The following VPS13D variants were observed in gnomAD, a reference collection of about 807,000 sequenced individuals.
VPS13D encodes intermembrane lipid transfer protein VPS13D.
VPS13D carries 187 observed loss-of-function variants against 461.9 expected under a neutral mutation model. The observed-to-expected ratio is 0.40, with a 90% CI of 0.36 to 0.46. The LOEUF is 0.46. Ranked by LOEUF, VPS13D falls within the 20% of genes least tolerant of loss-of-function variation. The pLI is 0.60. For missense variants in VPS13D, 4,711 were observed against 5,364.9 expected, an observed-to-expected ratio of 0.88 and a Z score of 3.81; for synonymous variants, 1,951 against 1,986.3, an observed-to-expected ratio of 0.98 and a Z score of 0.47.
intron 67 of VPS13D, among the ~76,000 whole-genome samples, chr1:12,483,473 CT>C (rs1234089222): frequency 1.3e-5 from 2 of 151,414 alleles, no homozygotes; most frequent in African/African-American, 4.9e-5. Flanking sequence ...CAGAATTTGT[CT>C]TTTTAGTGTG....
At chr1:12,402,073 C>A (rs75257462) in intron 62 of VPS13D, among the ~76,000 whole-genome samples, 9,015 of 152,236 alleles carry the variant, frequency 0.059, 394 homozygotes, top group Admixed American at 0.12. Context: ...ACCTTTGTTT[C>A]TTAAACAGAC....
intron 65 of VPS13D, among the ~76,000 whole-genome samples, chr1:12,446,588 A>C (rs1223596166): frequency 6.6e-6 from 1 of 151,896 alleles, no homozygotes; most frequent in African/African-American, 2.4e-5. Flanking sequence ...ATATCCCCCT[A>C]TATTTGTATC....
At chr1:12,452,746 C>A (rs1427337548) in intron 65 of VPS13D, among the ~76,000 whole-genome samples, 1 of 152,182 alleles carries the variant, frequency 6.6e-6, no homozygotes, top group African/African-American at 2.4e-5. Context: ...AACGTCTTTC[C>A]CAGTAAAATC....
At chr1:12,372,095 C>G (rs543655930) in intron 54 of VPS13D, among the ~76,000 whole-genome samples, 1 of 152,098 alleles carries the variant, frequency 6.6e-6, no homozygotes, top group South Asian at 2.1e-4. Flanking sequence ...TCTCTGTCAC[C>G]CAGGCTGGAG....
intron 36 of VPS13D, among the ~76,000 whole-genome samples, chr1:12,328,572 C>G (rs529142471): frequency 3.9e-5 from 6 of 152,114 alleles, no homozygotes; most frequent in African/African-American, 1.4e-4. Context: ...CGGAGTTTCG[C>G]TCTTGTTGCC....
rs554284481 is a variant in VPS13D at position 12,321,294 on chromosome 1, A to G, written c.7549-515A>G. On this transcript the variant is annotated intron_variant, in intron 32 of 69. Coordinates refer to ENST00000620676, the MANE Select transcript of VPS13D (RefSeq NM_015378.4). ...TATTGTGAGGAGGGAAAATAATCATATATGATTTCTGATAGGTTATTTTGG... is the reference window on the plus strand; with the variant it reads ...TATTGTGAGGAGGGAAAATAATCATGTATGATTTCTGATAGGTTATTTTGG... 1.6e-4 allele frequency among the ~76,000 whole-genome samples: 25 copies of G among 152,318 alleles called. No individual in the cohort carries two copies. The East Asian group carries it at 4.6e-3, about 28-fold the overall frequency.
intron 29 of VPS13D, 124 bp downstream of exon 29, chr1:12,312,049 G>T: frequency 4.1e-6 from 3 of 723,726 alleles, no homozygotes; most frequent in Non-Finnish European, 6.6e-6. Context: ...TCTGCAGAGT[G>T]TCTTTTGGTT....
intron 57 of VPS13D, among the ~76,000 whole-genome samples, chr1:12,380,890 T>G (rs976031906): frequency 4.6e-5 from 7 of 152,192 alleles, no homozygotes; most frequent in Non-Finnish European, 1.5e-5. Flanking sequence ...CTGGAATGGA[T>G]TTGTGATTTT....
At chr1:12,309,049 G>A (rs1642654842) in intron 27 of VPS13D, among the ~76,000 whole-genome samples, 2 of 152,048 alleles carry the variant, frequency 1.3e-5, no homozygotes, top group East Asian at 1.9e-4. Context: ...TTATTTCTTC[G>A]TCTATTTAAC....
At chr1:12,245,055 A>G (rs866528747) in intron 5 of VPS13D, among the ~76,000 whole-genome samples, 3 of 152,336 alleles carry the variant, frequency 2.0e-5, no homozygotes, top group African/African-American at 7.2e-5. Flanking sequence ...AGTTGGTTAC[A>G]TAGTGAGTTG....
intron 60 of VPS13D, among the ~76,000 whole-genome samples, chr1:12,390,098 C>T (rs1233276430): frequency 2.0e-5 from 3 of 152,154 alleles, no homozygotes; most frequent in Non-Finnish European, 4.4e-5. Flanking sequence ...TGGCAGTGTT[C>T]CTCCCTCTGG....
At chr1:12,306,203 C>T (rs919111032) in intron 26 of VPS13D, among the ~76,000 whole-genome samples, 1 of 152,108 alleles carries the variant, frequency 6.6e-6, no homozygotes, top group African/African-American at 2.4e-5. Context: ...CCAGGATGGT[C>T]TCGATCTCCT....
chr1:12,448,045 G>T (rs1386694625), intron 65 of VPS13D, among the ~76,000 whole-genome samples: 1 of 152,140 alleles, frequency 6.6e-6, no homozygotes, highest in Non-Finnish European at 1.5e-5. Context: ...CCTTTGATTT[G>T]TGTTTTTTTC....
chr1:12,408,967 T>G (rs1209916524), intron 63 of VPS13D, among the ~76,000 whole-genome samples: 1 of 152,224 alleles, frequency 6.6e-6, no homozygotes, highest in Non-Finnish European at 1.5e-5. Context: ...ACTTGTCTAT[T>G]TTTCTGTCAG....
At position 12,319,545 on chromosome 1, in the gene VPS13D, C is replaced by A; in HGVS notation, c.7463C>A (p.Ala2488Asp). The change falls in exon 32 of 70, where the codon GCC becomes GAC. Residue 2488 changes from alanine (A) to aspartate (D), a missense_variant. Transcript: ENST00000620676. ...GATGTGTCCTGCTTCGACACCAATG[C>A]CATTATTCTGAAAGGCACCACAGTG... ...IEDVSCFDTN[A>D]IILKGTTVLT... 6.2e-7 allele frequency: 1 copy of A among 1,614,196 alleles called. No homozygotes were observed. Among genetic ancestry groups the A allele is most frequent in the South Asian group, 1.1e-5 (1 of 91,082 alleles).
At chr1:12,342,432 TC>T (rs1421466573) in intron 41 of VPS13D, among the ~76,000 whole-genome samples, 2 of 152,210 alleles carry the variant, frequency 1.3e-5, no homozygotes, top group Non-Finnish European at 2.9e-5. Context: ...GGCTCAGCCT[TC>T]CAAGTACATG....
intron 35 of VPS13D, among the ~76,000 whole-genome samples, chr1:12,324,453 A>G (rs1031751870): frequency 2.6e-5 from 4 of 152,162 alleles, no homozygotes; most frequent in African/African-American, 2.4e-5. Flanking sequence ...GCAGTGAGCC[A>G]AGATCATGCC....
Position 12,357,877 on chromosome 1 carries a change from G to A in VPS13D, c.9999-582G>A, listed in dbSNP as rs189323379. Among the ~76,000 whole-genome samples the A allele has an allele frequency of 1.9e-3, 287 of 152,054 alleles. 1 individual carries two copies. The highest frequency in any genetic ancestry group is 6.4e-3 in the African/African-American group (267 of 41,460). The stretch of plus-strand genomic sequence containing the variant: ...AAATTAGCCGGGTGTGGTGGCGCTC[G>A]CCTGTAGTCCCAGCTACTTGGGAGG... On this transcript the variant is annotated intron_variant, in intron 49 of 69. Transcript: ENST00000620676.
At chr1:12,366,136 T>C (rs1644031398) in intron 52 of VPS13D, among the ~76,000 whole-genome samples, 1 of 152,098 alleles carries the variant, frequency 6.6e-6, no homozygotes, top group Non-Finnish European at 1.5e-5. Context: ...CTGGAACTTC[T>C]GGTCTCAAGT....
Sources: gnomAD v4.1 joint callset for allele counts (sites outside exome capture counted in the v4.1 genomes callset) on GRCh38, gnomAD v4.1.1 for gene constraint, MANE v1.5 for transcripts, NCBI Gene and HGNC (gene_info 2026-07-23, HGNC 2026-07-21) for gene names.